Variants in PKHD1L1 observed in about 807,000 individuals in gnomAD.
PKHD1L1 encodes PKHD1 like 1, also known as fibrocystin-L.
A neutral mutation model predicts 462.9 loss-of-function variants in PKHD1L1; 434 were observed. The ratio of observed to expected loss-of-function variants is 0.94; its 90% CI spans 0.87 to 1.02. PKHD1L1 has a LOEUF of 1.02. PKHD1L1 is among the 50% of genes least tolerant of loss of function. The probability of loss-of-function intolerance (pLI) is 0.00; values close to 1 mark genes in which losing one functional copy is unlikely to be tolerated. For synonymous variants in PKHD1L1, 1,781 were observed against 1,750.0 expected, an observed-to-expected ratio of 1.02 and a Z score of -0.44; for missense variants, 5,202 against 5,096.1, an observed-to-expected ratio of 1.02 and a Z score of -0.63.
rs1034562605 is a variant in PKHD1L1 at position 109,531,911 on chromosome 8, A to G, written c.*1821A>G. ...GGCCATTTCACGCTGAGACTTAAAAATCAGTCTTCCTAAGGCAAATCTAGT... is the reference window on the plus strand; with the variant it reads ...GGCCATTTCACGCTGAGACTTAAAAGTCAGTCTTCCTAAGGCAAATCTAGT... On this transcript the variant is annotated 3_prime_UTR_variant, in exon 78 of 78. Coordinates refer to ENST00000378402, the MANE Select transcript of PKHD1L1 (RefSeq NM_177531.6). Among the ~76,000 whole-genome samples, 3 of 152,182 alleles carry G rather than the reference A, an allele frequency of 2.0e-5. No homozygotes were observed. The highest frequency in any genetic ancestry group is 2.1e-4 in the South Asian group (1 of 4,834).
rs1554601674 is a variant in PKHD1L1, at chr8:109,534,146, C to T, written c.*4056C>T. Among the ~76,000 whole-genome samples, 2 of 152,224 alleles carry T rather than the reference C, an allele frequency of 1.3e-5. No homozygotes were observed. The highest frequency in any genetic ancestry group is 2.9e-5 in the Non-Finnish European group (2 of 68,024). ...CATGCATCTTTGAGTTACTACTATA[C>T]CCTCCCGAATGGAAATGCTTCAACT... On this transcript the variant is annotated 3_prime_UTR_variant, in exon 78 of 78. Transcript: ENST00000378402.
At chr8:109,411,718 T>G (rs796722345) in intron 19 of PKHD1L1, among the ~76,000 whole-genome samples, 3 of 152,286 alleles carry the variant, frequency 2.0e-5, no homozygotes, top group African/African-American at 7.2e-5. Flanking sequence ...ATTTGCACAG[T>G]GCCTTTGACA....
At position 109,452,864 on chromosome 8, in the gene PKHD1L1, G is replaced by T; in HGVS notation, c.6654G>T (p.Leu2218Phe). Residue 2218 changes from leucine (L) to phenylalanine (F), a missense_variant, in exon 43 of 78, where the codon TTG becomes TTT. Around this residue, in one of 3 missense-constraint regions of PKHD1L1, gnomAD observed 4,497 missense variants for 4,336.8 expected, o/e 1.04. Transcript: ENST00000378402. ...AAAGCACCCCTATTTTGAAAATGTT[G>T]CTTATTCAGGGTAAATTTCTGAATA... ...LDQSTPILKM[L>F]LIQGGTLIFD... The T allele has an allele frequency of 6.9e-7, 1 of 1,440,136 alleles. No individual in the cohort carries two copies. Among genetic ancestry groups the T allele is most frequent in the South Asian group, 1.7e-5 (1 of 60,172 alleles). The allele number at this position is 1,440,136 out of a possible 1,614,324, so 89.2% of individuals were successfully genotyped here. A position where few individuals can be genotyped will look rare whatever the true frequency, so the allele number is the denominator to read the frequency against.
rs1460240152 is a variant in PKHD1L1 at position 109,491,916 on chromosome 8, G to T, written c.10158G>T (p.Leu3386Phe). Residue 3386 changes from leucine to phenylalanine, a missense_variant, in exon 62 of 78, where the codon TTG becomes TTT. Transcript: ENST00000378402. Reference protein sequence around the residue: ...WGNANRVRGNLIALSVWPGTY... With the variant: ...WGNANRVRGNFIALSVWPGTY... ...ATGCCAACCGAGTCCGAGGGAATTT[G>T]ATTGCACTTTCGGTTTGGCCAGGAA... 7.5e-6 allele frequency: 12 copies of T among 1,604,688 alleles called. No homozygotes were observed. The highest frequency in any genetic ancestry group is 9.4e-6 in the Non-Finnish European group (11 of 1,173,342).
At chr8:109,390,605 T>TA (rs1423701765) in intron 9 of PKHD1L1, 111 bp downstream of exon 9, 4 of 529,950 alleles carry the variant, frequency 7.5e-6, no homozygotes, top group Non-Finnish European at 9.2e-6. Context: ...TTAACTACTT[T>TA]TTTTCCCCAA....
intron 53 of PKHD1L1, 74 bp downstream of exon 53, chr8:109,477,470 G>A: frequency 3.0e-6 from 4 of 1,328,666 alleles, no homozygotes; most frequent in Non-Finnish European, 4.1e-6. Flanking sequence ...ACTCCTGGGT[G>A]AAATAATAAT....
chr8:109,394,402 C>G lies in PKHD1L1; in HGVS notation c.741-13C>G. On this transcript the variant is annotated splice_polypyrimidine_tract_variant and intron_variant, in intron 9 of 77. Transcript: ENST00000378402. Reference sequence around the variant, plus strand: ...GATCATTTAAAGCAGAAAATTTAATCTTTTTTTAACAGGAGTTTTCCACAG... The same window carrying G: ...GATCATTTAAAGCAGAAAATTTAATGTTTTTTTAACAGGAGTTTTCCACAG... 1 of 1,444,424 alleles carries G rather than the reference C, an allele frequency of 6.9e-7. No individual in the cohort carries two copies. The highest frequency in any genetic ancestry group is 1.4e-5 in the South Asian group (1 of 70,514). 89.5% of individuals were successfully genotyped at this position (1,444,424 alleles called of 1,614,324 possible). A position where few individuals can be genotyped will look rare whatever the true frequency, so the allele number is the denominator to read the frequency against.
At chr8:109,521,663 G>GA (rs35567092) in intron 73 of PKHD1L1, among the ~76,000 whole-genome samples, 65,232 of 151,944 alleles carry the variant, frequency 0.43, 14,396 homozygotes, top group South Asian at 0.57. Flanking sequence ...AAGGGGAACA[G>GA]AACTATATGT....
At position 109,481,494 on chromosome 8, in the gene PKHD1L1, T is replaced by G. The variant is rs756058787; in HGVS notation, c.9389T>G (p.Leu3130Arg). 1 of 1,597,576 alleles carries G rather than the reference T, an allele frequency of 6.3e-7. No homozygotes were observed. ...TTTAAAGGAGACTTAAAGATTGTTC[T>G]TAGAGGAAATCATACTACACAAGAC... is the stretch of plus-strand genomic sequence containing the variant. ...NPFKGDLKIV[L>R]RGNHTTQDWA... is the part of the protein sequence containing the mutation. The change falls in exon 56 of 78, where the codon CTT (leucine) becomes CGT (arginine). Residue 3130 changes from leucine to arginine, a missense_variant. Coordinates refer to ENST00000378402, the MANE Select transcript of PKHD1L1 (RefSeq NM_177531.6).
At chr8:109,451,483 G>A (rs1176803928) in intron 41 of PKHD1L1, among the ~76,000 whole-genome samples, 1 of 152,110 alleles carries the variant, frequency 6.6e-6, no homozygotes, top group East Asian at 1.9e-4. Flanking sequence ...TTCTTGTTAT[G>A]CTTTCTCCAT....
chr8:109,395,247 T>A (rs929221092), intron 10 of PKHD1L1, among the ~76,000 whole-genome samples: 1 of 152,222 alleles, frequency 6.6e-6, no homozygotes, highest in Non-Finnish European at 1.5e-5. Flanking sequence ...AAAAGAATCC[T>A]CAAGACAATC....
intron 59 of PKHD1L1, among the ~76,000 whole-genome samples, chr8:109,487,055 CAGTT>C (rs925121455): frequency 2.2e-4 from 33 of 151,926 alleles, no homozygotes; most frequent in African/African-American, 7.0e-4. Flanking sequence ...CCTTAGGTAA[CAGTT>C]AGACCAGTCT....
intron 4 of PKHD1L1, among the ~76,000 whole-genome samples, chr8:109,383,165 A>ATTT (rs1554627883): frequency 5.6e-5 from 6 of 107,052 alleles, no homozygotes; most frequent in African/African-American, 2.3e-4. Context: ...ATTTATATAT[A>ATTT]ATATATACAA....
intron 67 of PKHD1L1, among the ~76,000 whole-genome samples, chr8:109,500,195 C>T (rs536943362): frequency 4.2e-4 from 64 of 152,184 alleles, no homozygotes; most frequent in African/African-American, 1.4e-3. Context: ...TCTGCATGGT[C>T]ACAATTTTTG....
At chr8:109,434,340 A>T (rs568824835) in intron 28 of PKHD1L1, among the ~76,000 whole-genome samples, 77 of 151,980 alleles carry the variant, frequency 5.1e-4, no homozygotes, top group Middle Eastern at 3.4e-3. Context: ...TTATGTTTTC[A>T]TACATACATC....
intron 67 of PKHD1L1, among the ~76,000 whole-genome samples, chr8:109,503,466 A>G (rs1819539446): frequency 6.6e-6 from 1 of 152,320 alleles, no homozygotes; most frequent in East Asian, 1.9e-4. Flanking sequence ...ACTAATCTAC[A>G]GGTTTGTATT....
At chr8:109,402,769 C>T (rs1295677546) in intron 14 of PKHD1L1, among the ~76,000 whole-genome samples, 3 of 152,096 alleles carry the variant, frequency 2.0e-5, no homozygotes, top group Non-Finnish European at 4.4e-5. Context: ...TGCTCAGAGG[C>T]AGCATCATGA....
intron 63 of PKHD1L1, among the ~76,000 whole-genome samples, chr8:109,495,736 G>A (rs896875405): frequency 6.6e-6 from 1 of 152,124 alleles, no homozygotes; most frequent in Non-Finnish European, 1.5e-5. Context: ...GGACTAGGAA[G>A]AAGGGAAAAT....
intron 23 of PKHD1L1, among the ~76,000 whole-genome samples, chr8:109,422,499 G>A (rs1814525769): frequency 1.3e-5 from 2 of 151,944 alleles, no homozygotes; most frequent in South Asian, 4.2e-4. Flanking sequence ...TTGTATACTG[G>A]CATTTTTTTA....
Sources: gnomAD v4.1 joint callset for allele counts (sites outside exome capture counted in the v4.1 genomes callset) on GRCh38, gnomAD v4.1.1 for gene constraint, gnomAD v4.1.1 regional missense constraint, MANE v1.5 for transcripts, NCBI Gene and HGNC (gene_info 2026-07-23, HGNC 2026-07-21) for gene names.